TANGO6: variants seen among roughly 807,000 people sequenced by gnomAD.
TANGO6 encodes transport and Golgi organization protein 6 homolog.
TANGO6 carries 90 observed loss-of-function variants against 114.2 expected under a neutral mutation model. The observed-to-expected ratio is 0.79, with a 90% CI of 0.66 to 0.94. TANGO6 has a LOEUF of 0.94. Among genes scored for constraint, TANGO6 ranks in the 40% least tolerant of loss-of-function variants. The pLI is 0.00. For missense variants in TANGO6, 1,274 were observed against 1,315.3 expected, an observed-to-expected ratio of 0.97 and a Z score of 0.49; for synonymous variants, 477 against 509.8, an observed-to-expected ratio of 0.94 and a Z score of 0.87.
chr16:68,932,343 G>GGCCT (rs150643248), intron 14 of TANGO6, among the ~76,000 whole-genome samples: 13,313 of 151,954 alleles, frequency 0.088, 662 homozygotes, highest in African/African-American at 0.13. Flanking sequence ...CACCCGCCTC[G>GGCCT]GCCTCCCAAA....
At chr16:69,060,120 T>C (rs1019327429) in intron 17 of TANGO6, among the ~76,000 whole-genome samples, 1 of 152,224 alleles carries the variant, frequency 6.6e-6, no homozygotes, top group Non-Finnish European at 1.5e-5. Context: ...GATGAGTTTG[T>C]ATTAATCCTG....
At chr16:68,895,313 C>T (rs1224311026) in intron 7 of TANGO6, among the ~76,000 whole-genome samples, 1 of 152,122 alleles carries the variant, frequency 6.6e-6, no homozygotes, top group Non-Finnish European at 1.5e-5. Flanking sequence ...CATGCCACTG[C>T]ACTCCAGCCT....
chr16:68,896,416 G>A (rs1962705303), intron 7 of TANGO6, among the ~76,000 whole-genome samples: 2 of 152,110 alleles, frequency 1.3e-5, no homozygotes, highest in Admixed American at 1.3e-4. Flanking sequence ...GGGCTCAAGA[G>A]ATCCTCTTGC....
chr16:68,919,444 G>T (rs1005143723), intron 12 of TANGO6, among the ~76,000 whole-genome samples: 15 of 152,074 alleles, frequency 9.9e-5, no homozygotes, highest in African/African-American at 2.2e-4. Flanking sequence ...AGAAGGGCAG[G>T]GTCCTTTCTA....
At chr16:69,063,672 A>AG (rs1960165477) in intron 17 of TANGO6, among the ~76,000 whole-genome samples, 7 of 145,336 alleles carry the variant, frequency 4.8e-5, no homozygotes, top group Admixed American at 4.4e-4. Flanking sequence ...AAAAAAAAAC[A>AG]AAGTTCTTTG....
intron 7 of TANGO6, among the ~76,000 whole-genome samples, chr16:68,887,236 G>A (rs984115035): frequency 5.9e-5 from 9 of 152,124 alleles, no homozygotes; most frequent in African/African-American, 2.2e-4. Context: ...TGCCTCACTT[G>A]GCATTTCCAC....
intron 17 of TANGO6, among the ~76,000 whole-genome samples, chr16:69,071,574 A>G (rs1366055483): frequency 6.6e-6 from 1 of 152,218 alleles, no homozygotes; most frequent in African/African-American, 2.4e-5. Context: ...TTTAAGTGTA[A>G]ATGAATCTAC....
At chr16:68,947,207 C>T (rs1006333046) in intron 14 of TANGO6, among the ~76,000 whole-genome samples, 3 of 152,080 alleles carry the variant, frequency 2.0e-5, no homozygotes, top group African/African-American at 7.2e-5. Flanking sequence ...CCTGTAATCC[C>T]AGCACTTTGG....
Position 68,927,864 on chromosome 16 carries a change from C to T in TANGO6, c.2424C>T (p.Gly808=), listed in dbSNP as rs1963189140. 3.1e-6 allele frequency: 5 copies of T among 1,613,982 alleles called. No homozygotes were observed. Among genetic ancestry groups the T allele is most frequent in the African/African-American group, 1.3e-5 (1 of 75,054 alleles). Residue 808 remains glycine, a synonymous_variant, in exon 13 of 18, where the codon GGC becomes GGT. Coordinates refer to ENST00000261778, the MANE Select transcript of TANGO6 (RefSeq NM_024562.2). ...GCCATGAGACAGCCCCCCAGACAGG[C>T]CTGCAGTCAAATGCTCCAATCATTC... is the stretch of plus-strand genomic sequence containing the variant. ...QQSHETAPQT[G]LQSNAPIIPQ...
At chr16:68,913,480 C>G (rs1263503037) in intron 11 of TANGO6, among the ~76,000 whole-genome samples, 2 of 146,422 alleles carry the variant, frequency 1.4e-5, no homozygotes, top group Non-Finnish European at 3.0e-5. Context: ...GCAATCTCGG[C>G]TTACTGCAAC....
At chr16:68,987,700 T>C (rs532343997) in intron 15 of TANGO6, among the ~76,000 whole-genome samples, 2 of 152,306 alleles carry the variant, frequency 1.3e-5, no homozygotes, top group East Asian at 3.9e-4. Context: ...ACAGATCTTT[T>C]CCTAAAATTT....
At chr16:69,066,136 A>G (rs1432811517) in intron 17 of TANGO6, among the ~76,000 whole-genome samples, 1 of 152,070 alleles carries the variant, frequency 6.6e-6, no homozygotes, top group Non-Finnish European at 1.5e-5. Flanking sequence ...TTCAGACTAC[A>G]TTAAATTCAT....
chr16:69,072,628 G>T (rs972050814), intron 17 of TANGO6, among the ~76,000 whole-genome samples: 1 of 152,110 alleles, frequency 6.6e-6, no homozygotes, highest in African/African-American at 2.4e-5. Context: ...GAGTCACAGG[G>T]ATTGGGAAGA....
chr16:68,907,496 G>T lies in TANGO6; in HGVS notation c.1721G>T (p.Arg574Leu). The T allele has an allele frequency of 6.2e-7, 1 of 1,613,714 alleles. No homozygotes were observed. The highest frequency in any genetic ancestry group is 8.5e-7 in the Non-Finnish European group (1 of 1,179,846). ...CAGAAGGTATCCTCTGAGCAGGGCC[G>T]GGTGGAGCATCTCGGGGACTTGCTG... ...LYQKVSSEQG[R>L]VEHLGDLLSH... is the part of the protein sequence containing the mutation. The change falls in exon 10 of 18, where the codon CGG (arginine) becomes CTG (leucine). Residue 574 changes from arginine to leucine, a missense_variant. Transcript: ENST00000261778.
At chr16:68,857,154 T>C (rs995616344) in intron 1 of TANGO6, among the ~76,000 whole-genome samples, 11 of 152,086 alleles carry the variant, frequency 7.2e-5, no homozygotes, top group African/African-American at 9.7e-5. Flanking sequence ...ACATATTCTT[T>C]CCTGCCCCAT....
At chr16:69,040,468 G>C in intron 17 of TANGO6, 47 bp downstream of exon 17, 2 of 1,468,248 alleles carry the variant, frequency 1.4e-6, no homozygotes, top group Non-Finnish European at 1.9e-6. Flanking sequence ...TCTTTTATTT[G>C]TCTATTTCTC....
chr16:69,079,337 T>C (rs117226575), intron 17 of TANGO6, among the ~76,000 whole-genome samples: 4,626 of 150,658 alleles, frequency 0.031, 101 homozygotes, highest in Non-Finnish European at 0.041. Context: ...CAAAAACAAA[T>C]AAATAAATAA....
intron 15 of TANGO6, among the ~76,000 whole-genome samples, chr16:69,018,889 G>A (rs1476260077): frequency 1.3e-5 from 2 of 152,070 alleles, no homozygotes; most frequent in Non-Finnish European, 2.9e-5. Context: ...CAGCCTGGGC[G>A]ACAGAGTGAG....
intron 15 of TANGO6, among the ~76,000 whole-genome samples, chr16:69,021,049 A>G (rs1316673883): frequency 6.6e-6 from 1 of 152,154 alleles, no homozygotes; most frequent in Admixed American, 6.5e-5. Context: ...CCCTGGACAT[A>G]CATGGTACCC....
Sources: gnomAD v4.1 joint callset for allele counts (sites outside exome capture counted in the v4.1 genomes callset) on GRCh38, gnomAD v4.1.1 for gene constraint, MANE v1.5 for transcripts, NCBI Gene and HGNC (gene_info 2026-07-23, HGNC 2026-07-21) for gene names.